RALA: variants seen among roughly 807,000 people sequenced by gnomAD.
RALA encodes ras-related protein Ral-A.
In RALA, 5 loss-of-function variants were observed where a neutral mutation model predicts 24.0. The ratio of observed to expected loss-of-function variants is 0.21; its 90% CI spans 0.11 to 0.44. The LOEUF (loss-of-function observed/expected upper bound fraction) is 0.44. Among genes scored for constraint, RALA ranks in the 20% least tolerant of loss-of-function variants. The pLI is 0.99. For synonymous variants in RALA, 77 were observed against 83.8 expected, an observed-to-expected ratio of 0.92 and a Z score of 0.44; for missense variants, 95 against 241.2, an observed-to-expected ratio of 0.39 and a Z score of 4.01.
At chr7:39,657,926 T>C (rs1792122788) in intron 1 of RALA, among the ~76,000 whole-genome samples, 1 of 152,234 alleles carries the variant, frequency 6.6e-6, no homozygotes, top group Non-Finnish European at 1.5e-5. Context: ...CCAGCCTGTG[T>C]GATACTAGTT....
At chr7:39,680,833 A>T (rs1023550596) in intron 1 of RALA, among the ~76,000 whole-genome samples, 2 of 152,108 alleles carry the variant, frequency 1.3e-5, no homozygotes, top group Admixed American at 1.3e-4. Flanking sequence ...ATGTATTTGA[A>T]TCTGGTTTTG....
intron 4 of RALA, among the ~76,000 whole-genome samples, chr7:39,699,753 G>A (rs553087773): frequency 6.6e-6 from 1 of 152,292 alleles, no homozygotes; most frequent in East Asian, 1.9e-4. Context: ...GGATATGTAA[G>A]ACTCTGGTAC....
At chr7:39,630,239 A>G (rs1481878159) in intron 1 of RALA, among the ~76,000 whole-genome samples, 12 of 95,438 alleles carry the variant, frequency 1.3e-4, no homozygotes, top group African/African-American at 3.7e-4. Context: ...TTTTGTCAAG[A>G]TGGGGTTTTA....
intron 1 of RALA, among the ~76,000 whole-genome samples, chr7:39,649,167 G>A (rs1380193075): frequency 6.6e-6 from 1 of 152,216 alleles, no homozygotes; most frequent in Non-Finnish European, 1.5e-5. Flanking sequence ...GTTGGAGTAG[G>A]TTAAACCAGG....
intron 3 of RALA, among the ~76,000 whole-genome samples, chr7:39,694,612 C>T (rs1443223605): frequency 2.0e-5 from 3 of 152,112 alleles, no homozygotes; most frequent in African/African-American, 7.2e-5. Flanking sequence ...CAGTGTTTGG[C>T]ACATTGTGAG....
At chr7:39,674,924 AGCAATTCTCCT>A (rs1329942770) in intron 1 of RALA, among the ~76,000 whole-genome samples, 2 of 150,038 alleles carry the variant, frequency 1.3e-5, no homozygotes, top group African/African-American at 4.9e-5. Flanking sequence ...CCTGGGTTCA[AGCAATTCTCCT>A]GCTTCAGCCT....
intron 3 of RALA, among the ~76,000 whole-genome samples, chr7:39,691,189 T>C (rs1256150340): frequency 1.3e-5 from 2 of 152,182 alleles, no homozygotes; most frequent in African/African-American, 4.8e-5. Context: ...TGGAATCCAT[T>C]TGGTTTTAGA....
chr7:39,676,253 G>A (rs1792485826), intron 1 of RALA, among the ~76,000 whole-genome samples: 1 of 152,172 alleles, frequency 6.6e-6, no homozygotes, highest in Non-Finnish European at 1.5e-5. Context: ...GGGATTACAG[G>A]CATGAGCCAC....
intron 1 of RALA, among the ~76,000 whole-genome samples, chr7:39,667,843 C>A (rs1260354203): frequency 1.3e-5 from 2 of 152,298 alleles, no homozygotes; most frequent in East Asian, 3.9e-4. Context: ...GGAGAAGGAG[C>A]CAATCTGTCA....
chr7:39,642,306 G>A (rs1791832366), intron 1 of RALA, among the ~76,000 whole-genome samples: 1 of 152,174 alleles, frequency 6.6e-6, no homozygotes, highest in Admixed American at 6.5e-5. Flanking sequence ...GGCTTCCAGG[G>A]GTGGGAAACG....
At chr7:39,652,525 A>C (rs758202962) in intron 1 of RALA, among the ~76,000 whole-genome samples, 8 of 152,192 alleles carry the variant, frequency 5.3e-5, no homozygotes, top group Non-Finnish European at 1.0e-4. Flanking sequence ...TCAAATCCTC[A>C]GTTAATTTGC....
At chr7:39,694,346 T>C (rs1440023661) in intron 3 of RALA, among the ~76,000 whole-genome samples, 3 of 152,190 alleles carry the variant, frequency 2.0e-5, no homozygotes, top group Non-Finnish European at 2.9e-5. Flanking sequence ...TGCCCCAGGT[T>C]GTGCAGTCAG....
At chr7:39,660,212 G>C (rs1203787429) in intron 1 of RALA, among the ~76,000 whole-genome samples, 1 of 151,958 alleles carries the variant, frequency 6.6e-6, no homozygotes, top group East Asian at 1.9e-4. Flanking sequence ...CGGGTGTGGT[G>C]GTGTGCACCT....
At chr7:39,633,157 T>G (rs910036581) in intron 1 of RALA, among the ~76,000 whole-genome samples, 4 of 152,222 alleles carry the variant, frequency 2.6e-5, no homozygotes, top group African/African-American at 9.6e-5. Context: ...TGAGCAAGGC[T>G]TGTTTTGTAT....
At chr7:39,657,037 G>A (rs936312962) in intron 1 of RALA, among the ~76,000 whole-genome samples, 1 of 151,700 alleles carries the variant, frequency 6.6e-6, no homozygotes, top group African/African-American at 2.4e-5. Context: ...GTGTGATCTC[G>A]GCTCACTACA....
chr7:39,701,369 GGT>G (rs1562627265), intron 4 of RALA, among the ~76,000 whole-genome samples: 1 of 152,182 alleles, frequency 6.6e-6, no homozygotes, highest in Admixed American at 6.5e-5. Flanking sequence ...AAACTAGCCA[GGT>G]GTGGTGGCGA....
intron 4 of RALA, 81 bp downstream of exon 4, chr7:39,696,940 C>A: frequency 7.6e-7 from 1 of 1,309,454 alleles, no homozygotes; most frequent in Non-Finnish European, 1.1e-6. Flanking sequence ...TCTGGAGAGT[C>A]TATGAAACTT....
At chr7:39,688,720 T>A (rs1583751298) in intron 2 of RALA, among the ~76,000 whole-genome samples, 2 of 152,228 alleles carry the variant, frequency 1.3e-5, no homozygotes, top group South Asian at 2.1e-4. Context: ...ACTATAGGCA[T>A]GTGCCACTAT....
In RALA at chr7:39,685,266, G is replaced by A. The variant is rs555256967; in HGVS notation, c.-37-1365G>A. Among the ~76,000 whole-genome samples, 4 of 152,340 alleles carry A rather than the reference G, an allele frequency of 2.6e-5. No individual in the cohort carries two copies. In the South Asian group the frequency reaches 8.3e-4, roughly 32 times the overall value. On this transcript the variant is annotated intron_variant, in intron 1 of 4. Transcript: ENST00000005257. ...ATGGAATAAGAATATGCCAGACAGA[G>A]GAAGCTGCATGGCAAAGGCCAAGAG...
Sources: allele counts gnomAD v4.1 joint callset (sites outside exome capture counted in the v4.1 genomes callset), GRCh38; gene constraint gnomAD v4.1.1; transcripts MANE v1.5; gene names NCBI Gene and HGNC (gene_info 2026-07-23, HGNC 2026-07-21).